The following GRM5 variants were observed in gnomAD, a reference collection of about 807,000 sequenced individuals.
GRM5 encodes the protein metabotropic glutamate receptor 5.
In GRM5, 19 loss-of-function variants were observed where a neutral mutation model predicts 83.1. The ratio of observed to expected loss-of-function variants is 0.23; its 90% CI spans 0.16 to 0.34. The LOEUF is 0.34. Among genes scored for constraint, GRM5 ranks in the 10% least tolerant of loss-of-function variants. The pLI is 1.00. For synonymous variants in GRM5, 675 were observed against 633.6 expected (o/e 1.07, Z -0.98); for missense variants, 1,160 against 1,588.3 (o/e 0.73, Z 4.58).
At chr11:88,836,347 C>T (rs1370850602) in intron 3 of GRM5, among the ~76,000 whole-genome samples, 1 of 152,192 alleles carries the variant, frequency 6.6e-6, no homozygotes, top group Non-Finnish European at 1.5e-5. Context: ...TGATGGGCCT[C>T]AGTTAATCAG....
chr11:89,001,842 C>A (rs1218614147), intron 2 of GRM5, among the ~76,000 whole-genome samples: 2 of 152,068 alleles, frequency 1.3e-5, no homozygotes, highest in Non-Finnish European at 2.9e-5. Flanking sequence ...ACTGTCATAT[C>A]ACATTAATCA....
intron 1 of GRM5, among the ~76,000 whole-genome samples, chr11:89,064,941 G>GA (rs56894219): frequency 0.031 from 1,099 of 35,790 alleles, 30 homozygotes; most frequent in Non-Finnish European, 0.046. Context: ...AGAGAGAGAG[G>GA]GAGAGAGAGA....
chr11:89,037,473 A>C (rs1941419524), intron 2 of GRM5, among the ~76,000 whole-genome samples: 1 of 152,116 alleles, frequency 6.6e-6, no homozygotes, highest in African/African-American at 2.4e-5. Flanking sequence ...TTAAATTCAC[A>C]GTTTGTTGCA....
chr11:88,951,247 G>A (rs1215904013), intron 2 of GRM5, among the ~76,000 whole-genome samples: 3 of 152,186 alleles, frequency 2.0e-5, no homozygotes, highest in African/African-American at 7.2e-5. Context: ...TTCCAGAACA[G>A]TCTCTGCTTT....
intron 3 of GRM5, among the ~76,000 whole-genome samples, chr11:88,821,845 G>T (rs1037347429): frequency 4.6e-5 from 7 of 152,038 alleles, no homozygotes; most frequent in African/African-American, 1.7e-4. Context: ...GAACTCATTT[G>T]TCCCTGTTAG....
chr11:88,818,396 G>A (rs1342330621), intron 3 of GRM5, among the ~76,000 whole-genome samples: 1 of 151,980 alleles, frequency 6.6e-6, no homozygotes, highest in East Asian at 1.9e-4. Flanking sequence ...TATACATGAT[G>A]ATATGCTGAC....
intron 3 of GRM5, among the ~76,000 whole-genome samples, chr11:88,662,916 G>T (rs1002480750): frequency 6.6e-6 from 1 of 152,146 alleles, no homozygotes; most frequent in Non-Finnish European, 1.5e-5. Context: ...AATGCAGTTC[G>T]CCAATACCCT....
intron 2 of GRM5, among the ~76,000 whole-genome samples, chr11:88,858,897 T>C (rs115657459): frequency 1.3e-5 from 2 of 151,986 alleles, no homozygotes; most frequent in Non-Finnish European, 2.9e-5. Context: ...AGTATATGGA[T>C]AGCAACAATA....
intron 3 of GRM5, among the ~76,000 whole-genome samples, chr11:88,674,210 T>C (rs1335893093): frequency 6.6e-6 from 1 of 151,846 alleles, no homozygotes; most frequent in Non-Finnish European, 1.5e-5. Flanking sequence ...ATGGCTTCTA[T>C]AGTAACAAAT....
Position 88,508,767 on chromosome 11 carries a change from G to T in GRM5, c.3464C>A (p.Pro1155Gln). 2 of 1,497,128 alleles carry T rather than the reference G, an allele frequency of 1.3e-6. No homozygotes were observed. The highest frequency in any genetic ancestry group is 8.8e-7 in the Non-Finnish European group (1 of 1,130,524). The allele number at this position is 1,497,128 out of a possible 1,614,324, so 92.7% of individuals were successfully genotyped here. The part of the protein sequence containing the change: ...AAGPEAAAAK[P>Q]DLEELVALTP... ...GAGAGCCACCAGCTCCTCCAGGTCT[G>T]GCTTGGCGGCCGCAGCCTCGGGACC... Residue 1155 changes from proline (P) to glutamine (Q), a missense_variant, in exon 10 of 10, where the codon CCA becomes CAA. Coordinates refer to ENST00000305447, the MANE Select transcript of GRM5 (RefSeq NM_001143831.3). This position sits in a 1 kb window ranked among gnomAD's most constrained non-coding sequence, Gnocchi z 4.2.
At chr11:88,573,850 A>G (rs1943053996) in intron 7 of GRM5, among the ~76,000 whole-genome samples, 1 of 152,134 alleles carries the variant, frequency 6.6e-6, no homozygotes. Context: ...ATGGATGTTG[A>G]ACTGGGATCA....
At chr11:88,884,320 G>GAGACTGA (rs1200839208) in intron 2 of GRM5, among the ~76,000 whole-genome samples, 1 of 152,154 alleles carries the variant, frequency 6.6e-6, no homozygotes, top group African/African-American at 2.4e-5. Context: ...GACTTGCATG[G>GAGACTGA]AGCCTGAAGC....
intron 4 of GRM5, among the ~76,000 whole-genome samples, chr11:88,643,226 C>T (rs1463434212): frequency 6.6e-6 from 1 of 151,604 alleles, no homozygotes; most frequent in African/African-American, 2.4e-5. Context: ...ATCATATGGC[C>T]AGAGCAGGAG....
chr11:88,730,520 A>G (rs1175908410), intron 3 of GRM5, among the ~76,000 whole-genome samples: 1 of 152,190 alleles, frequency 6.6e-6, no homozygotes, highest in Non-Finnish European at 1.5e-5. Context: ...ATTACTGGGT[A>G]TATACCCAAA....
intron 3 of GRM5, among the ~76,000 whole-genome samples, chr11:88,679,579 G>T (rs1377321094): frequency 6.6e-6 from 1 of 151,910 alleles, no homozygotes; most frequent in African/African-American, 2.4e-5. Flanking sequence ...TTATTGCCTT[G>T]TATTACTAGA....
intron 3 of GRM5, among the ~76,000 whole-genome samples, chr11:88,682,224 C>T (rs868440750): frequency 1.1e-4 from 16 of 152,120 alleles, no homozygotes; most frequent in African/African-American, 3.6e-4. Flanking sequence ...TGCTTGAGCT[C>T]CAGACTCATC....
At chr11:88,904,847 G>A (rs773585988) in intron 2 of GRM5, among the ~76,000 whole-genome samples, 7 of 152,066 alleles carry the variant, frequency 4.6e-5, no homozygotes, top group Non-Finnish European at 7.4e-5. Flanking sequence ...TCAATTCACC[G>A]CAGAGGTATT....
At chr11:88,683,812 G>A (rs1024475576) in intron 3 of GRM5, among the ~76,000 whole-genome samples, 2 of 152,134 alleles carry the variant, frequency 1.3e-5, no homozygotes, top group Non-Finnish European at 2.9e-5. Flanking sequence ...GATAAGAAGG[G>A]TGTTTACTTT....
chr11:88,508,567 A>C lies in GRM5; in HGVS notation c.*25T>G. 6.3e-7 allele frequency: 1 copy of C among 1,583,790 alleles called. No individual in the cohort carries two copies. The highest frequency in any genetic ancestry group is 8.6e-7 in the Non-Finnish European group (1 of 1,156,684). ...ACGGGGGGCTCCGCTCCGCACGCGC[A>C]GGCCGGCGTGCTTTCCAGGGACATT... is the stretch of plus-strand genomic sequence containing the variant. On this transcript the variant is annotated 3_prime_UTR_variant, in exon 10 of 10. Transcript: ENST00000305447. This position sits in a 1 kb window ranked among gnomAD's most constrained non-coding sequence, Gnocchi z 4.2.
Sources: gnomAD v4.1 joint callset for allele counts (sites outside exome capture counted in the v4.1 genomes callset) on GRCh38, gnomAD v4.1.1 for gene constraint, Gnocchi (gnomAD v3.1) non-coding constraint, MANE v1.5 for transcripts, NCBI Gene and HGNC (gene_info 2026-07-23, HGNC 2026-07-21) for gene names.